Variants in RPTOR observed in about 807,000 individuals in gnomAD.
RPTOR encodes the protein regulatory associated protein of MTOR complex 1, also known as regulatory-associated protein of mTOR.
RPTOR carries 21 observed loss-of-function variants against 169.9 expected under a neutral mutation model. That is an observed-to-expected ratio of 0.12 (90% CI 0.09 to 0.18). The LOEUF is 0.18. Ranked by LOEUF, RPTOR falls within the 10% of genes least tolerant of loss-of-function variation. The pLI is 1.00. For synonymous variants in RPTOR, 732 were observed against 753.2 expected (o/e 0.97, Z 0.46); for missense variants, 1,133 against 1,855.9 (o/e 0.61, Z 7.16).
intron 6 of RPTOR, among the ~76,000 whole-genome samples, chr17:80,778,702 G>C (rs1348750963): frequency 6.6e-6 from 1 of 152,114 alleles, no homozygotes; most frequent in Admixed American, 6.5e-5. Flanking sequence ...GGGAGAAGGA[G>C]GCAGGAGGAT....
chr17:80,858,633 A>G (rs1369565184), intron 13 of RPTOR, among the ~76,000 whole-genome samples: 1 of 152,160 alleles, frequency 6.6e-6, no homozygotes, highest in African/African-American at 2.4e-5. Flanking sequence ...GAGATGGGTC[A>G]GAGGAGTGGG....
intron 1 of RPTOR, among the ~76,000 whole-genome samples, chr17:80,605,151 A>G (rs2065219621): frequency 6.6e-6 from 1 of 152,204 alleles, no homozygotes; most frequent in South Asian, 2.1e-4. Context: ...CAGCACTCAG[A>G]TGCCCTGGGG....
At chr17:80,875,540 G>A (rs2068097415) in intron 13 of RPTOR, among the ~76,000 whole-genome samples, 1 of 152,212 alleles carries the variant, frequency 6.6e-6, no homozygotes, top group Admixed American at 6.5e-5. Context: ...GCCTTCACAT[G>A]TCACCACCAT....
intron 1 of RPTOR, among the ~76,000 whole-genome samples, chr17:80,620,653 C>G (rs1054393476): frequency 1.3e-5 from 2 of 152,204 alleles, no homozygotes; most frequent in East Asian, 3.8e-4. Context: ...GTAATCCCAG[C>G]TACTTGGGAG....
chr17:80,790,812 T>C (rs2067039685), intron 6 of RPTOR, among the ~76,000 whole-genome samples: 1 of 152,228 alleles, frequency 6.6e-6, no homozygotes, highest in South Asian at 2.1e-4. Flanking sequence ...CTACTAAAAA[T>C]ACTGCATTGC....
At chr17:80,549,684 C>T (rs2084321773) in intron 1 of RPTOR, among the ~76,000 whole-genome samples, 1 of 152,188 alleles carries the variant, frequency 6.6e-6, no homozygotes, top group African/African-American at 2.4e-5. Context: ...GATAACTGGT[C>T]TCAGATGACT....
At chr17:80,678,484 C>T (rs2065875592) in intron 3 of RPTOR, among the ~76,000 whole-genome samples, 1 of 152,112 alleles carries the variant, frequency 6.6e-6, no homozygotes, top group South Asian at 2.1e-4. Context: ...TTTCTGGTCT[C>T]GTTAATTATA....
intron 2 of RPTOR, among the ~76,000 whole-genome samples, chr17:80,639,423 G>A (rs947289227): frequency 1.3e-5 from 2 of 151,970 alleles, no homozygotes; most frequent in African/African-American, 2.4e-5. Flanking sequence ...CACCTAACCC[G>A]GGTGTATCCT....
At chr17:80,556,019 G>GTTTTTT (rs143244019) in intron 1 of RPTOR, among the ~76,000 whole-genome samples, 1 of 146,396 alleles carries the variant, frequency 6.8e-6, no homozygotes. Flanking sequence ...GATCTAAAAA[G>GTTTTTT]TTTTTTGTTT....
intron 3 of RPTOR, among the ~76,000 whole-genome samples, chr17:80,703,966 T>C (rs1049380733): frequency 6.6e-6 from 1 of 152,234 alleles, no homozygotes; most frequent in Non-Finnish European, 1.5e-5. Context: ...GCAGGTCTTA[T>C]AGCTGATGCG....
chr17:80,844,333 C>CATGG lies in RPTOR; in HGVS notation c.1213-2138_1213-2135dup, dbSNP rs1174343444. ...ATAGTCAGGAATTTTTCTCTTTCTG[C>CATGG]ATGGAGTAGTGACTCCAGCAGTGAG... On this transcript the variant is annotated intron_variant, in intron 10 of 33. Transcript: ENST00000306801. This position sits in a 1 kb window ranked among gnomAD's most constrained non-coding sequence, Gnocchi z 4.7. Among the ~76,000 whole-genome samples the CATGG allele has an allele frequency of 7.9e-5, 12 of 152,140 alleles. No individual in the cohort carries two copies. Among genetic ancestry groups the CATGG allele is most frequent in the Non-Finnish European group, 1.8e-4 (12 of 68,044 alleles).
intron 20 of RPTOR, among the ~76,000 whole-genome samples, chr17:80,904,819 G>A (rs763611182): frequency 2.0e-4 from 31 of 152,294 alleles, no homozygotes; most frequent in Non-Finnish European, 3.8e-4. Flanking sequence ...AGGGAAAGAC[G>A]TGAAATAAAG....
intron 3 of RPTOR, among the ~76,000 whole-genome samples, chr17:80,674,787 C>CAAAAAA (rs9319608): frequency 1.8e-4 from 16 of 89,966 alleles, no homozygotes; most frequent in African/African-American, 3.3e-4. Flanking sequence ...GACTCTGTCT[C>CAAAAAA]AAAAAAAAAA....
chr17:80,755,579 A>C (rs1225817633), intron 6 of RPTOR, among the ~76,000 whole-genome samples: 1 of 152,098 alleles, frequency 6.6e-6, no homozygotes, highest in Non-Finnish European at 1.5e-5. Flanking sequence ...TATACTAAAA[A>C]TACAAAAAAA....
rs529183488 is a variant in RPTOR at position 80,632,331 on chromosome 17, G to C, written c.265+6538G>C. ...ATGCGGATCCCTGTGTGTGCTCCGG[G>C]GACGGGACGCGCAGGCCCTTCGGGG... On this transcript the variant is annotated intron_variant, in intron 2 of 33. Transcript: ENST00000306801. Among the ~76,000 whole-genome samples, 55 of 152,318 alleles carry C rather than the reference G, an allele frequency of 3.6e-4. No individual in the cohort carries two copies. The South Asian group carries it at 5.2e-3, about 14-fold the overall frequency.
At chr17:80,734,615 C>T (rs2066419641) in intron 5 of RPTOR, among the ~76,000 whole-genome samples, 3 of 152,208 alleles carry the variant, frequency 2.0e-5, no homozygotes, top group Non-Finnish European at 2.9e-5. Flanking sequence ...GCATCCTTAG[C>T]CGACTGGCTT....
chr17:80,749,111 G>A (rs1338523039), intron 5 of RPTOR, among the ~76,000 whole-genome samples: 2 of 30,110 alleles, frequency 6.6e-5, no homozygotes, highest in Admixed American at 3.1e-4. Flanking sequence ...GAGGGGCTGC[G>A]GTGTGTGTTT....
chr17:80,587,841 A>T (rs893923837), intron 1 of RPTOR, among the ~76,000 whole-genome samples: 2 of 152,018 alleles, frequency 1.3e-5, no homozygotes, highest in African/African-American at 2.4e-5. Flanking sequence ...AGTGTTATTA[A>T]CTATAGTCAG....
At chr17:80,784,281 C>T (rs1018038317) in intron 6 of RPTOR, among the ~76,000 whole-genome samples, 1 of 151,744 alleles carries the variant, frequency 6.6e-6, no homozygotes, top group African/African-American at 2.4e-5. Flanking sequence ...TTACAAATAT[C>T]GCATGATTTG....
Sources: allele counts gnomAD v4.1 joint callset (sites outside exome capture counted in the v4.1 genomes callset), GRCh38; gene constraint gnomAD v4.1.1; non-coding constraint Gnocchi (gnomAD v3.1); transcripts MANE v1.5; gene names NCBI Gene and HGNC (gene_info 2026-07-23, HGNC 2026-07-21).